The following CACNA2D3 variants were observed in gnomAD, a reference collection of about 807,000 sequenced individuals.
The protein encoded by CACNA2D3 is voltage-dependent calcium channel subunit alpha-2/delta-3.
In CACNA2D3, 60 loss-of-function variants were observed where a neutral mutation model predicts 160.6. The observed-to-expected ratio is 0.37, with a 90% CI of 0.30 to 0.46. CACNA2D3 has a LOEUF of 0.46. Among genes scored for constraint, CACNA2D3 ranks in the 20% least tolerant of loss-of-function variants. CACNA2D3 has a pLI of 1.00. For synonymous variants in CACNA2D3, 558 were observed against 492.9 expected (o/e 1.13, Z -1.75); for missense variants, 1,205 against 1,365.0 (o/e 0.88, Z 1.85).
intron 32 of CACNA2D3, among the ~76,000 whole-genome samples, chr3:55,006,256 G>A (rs1703090859): frequency 6.6e-6 from 1 of 152,094 alleles, no homozygotes; most frequent in African/African-American, 2.4e-5. Flanking sequence ...TAATCCCTTT[G>A]TTTACTCATA....
At chr3:55,039,285 AT>A (rs1703907595) in intron 35 of CACNA2D3, among the ~76,000 whole-genome samples, 1 of 152,112 alleles carries the variant, frequency 6.6e-6, no homozygotes, top group African/African-American at 2.4e-5. Context: ...CTATTCTCTT[AT>A]CCCCCAAAAC....
At chr3:54,268,078 C>T (rs1198966794) in intron 2 of CACNA2D3, among the ~76,000 whole-genome samples, 3 of 152,146 alleles carry the variant, frequency 2.0e-5, no homozygotes, top group Admixed American at 6.5e-5. Flanking sequence ...TATTCAGAAT[C>T]AGAACAGTGT....
intron 4 of CACNA2D3, among the ~76,000 whole-genome samples, chr3:54,436,308 G>A (rs1700058799): frequency 6.6e-6 from 1 of 152,228 alleles, no homozygotes; most frequent in Non-Finnish European, 1.5e-5. Context: ...GGAGAAATAG[G>A]AACACTTTTA....
chr3:54,896,144 G>A (rs187744508), intron 25 of CACNA2D3, among the ~76,000 whole-genome samples: 11 of 152,248 alleles, frequency 7.2e-5, no homozygotes, highest in African/African-American at 1.7e-4. Context: ...TAGCCTTCCC[G>A]ATAGACAAGC....
At chr3:54,802,766 C>T (rs551724944) in intron 13 of CACNA2D3, among the ~76,000 whole-genome samples, 2 of 152,142 alleles carry the variant, frequency 1.3e-5, no homozygotes, top group Non-Finnish European at 2.9e-5. Context: ...CAAGTGGGTC[C>T]CTGACCCCTG....
intron 27 of CACNA2D3, chr3:54,924,964 A>T: frequency 6.2e-7 from 1 of 1,611,038 alleles, no homozygotes; most frequent in Non-Finnish European, 8.5e-7. Flanking sequence ...GCCAGATTTG[A>T]AAGGGAATTG....
chr3:54,445,909 G>C (rs1036610797), intron 4 of CACNA2D3, among the ~76,000 whole-genome samples: 1 of 152,134 alleles, frequency 6.6e-6, no homozygotes, highest in Non-Finnish European at 1.5e-5. Flanking sequence ...AAGAGGAACT[G>C]CTTTGTTCCT....
intron 17 of CACNA2D3, among the ~76,000 whole-genome samples, chr3:54,850,903 G>A (rs965688921): frequency 6.6e-6 from 1 of 152,182 alleles, no homozygotes; most frequent in African/African-American, 2.4e-5. Context: ...TGAGATGGGA[G>A]GTAAAAATGA....
At chr3:54,691,247 C>G (rs755778925) in intron 11 of CACNA2D3, among the ~76,000 whole-genome samples, 1 of 152,166 alleles carries the variant, frequency 6.6e-6, no homozygotes, top group Non-Finnish European at 1.5e-5. Context: ...ATGGAAATAG[C>G]CTTTCTCTTG....
chr3:54,719,438 T>A (rs543191178), intron 11 of CACNA2D3, among the ~76,000 whole-genome samples: 120 of 152,104 alleles, frequency 7.9e-4, no homozygotes, highest in Non-Finnish European at 1.3e-3. Context: ...TCTTCTTTTT[T>A]AATGTCATGG....
chr3:54,248,923 T>C (rs919788513), intron 2 of CACNA2D3, among the ~76,000 whole-genome samples: 2 of 152,222 alleles, frequency 1.3e-5, no homozygotes, highest in African/African-American at 2.4e-5. Flanking sequence ...GTTACAGAAA[T>C]GAGCACTGTA....
chr3:55,056,865 G>T (rs76873833), intron 35 of CACNA2D3, among the ~76,000 whole-genome samples: 8,824 of 152,210 alleles, frequency 0.058, 737 homozygotes, highest in African/African-American at 0.19. Context: ...AATAAGGACT[G>T]TTTCTGGAGT....
At chr3:54,244,581 T>C (rs1702036213) in intron 2 of CACNA2D3, among the ~76,000 whole-genome samples, 1 of 152,212 alleles carries the variant, frequency 6.6e-6, no homozygotes, top group South Asian at 2.1e-4. Context: ...TCAGGGTTTG[T>C]TGACTGATTG....
At chr3:54,682,163 A>G (rs998953852) in intron 11 of CACNA2D3, among the ~76,000 whole-genome samples, 4 of 96,880 alleles carry the variant, frequency 4.1e-5, no homozygotes, top group Non-Finnish European at 6.8e-5. Flanking sequence ...ACAGAACAGC[A>G]CACACACACA....
chr3:54,472,332 G>T (rs185005381), intron 4 of CACNA2D3, among the ~76,000 whole-genome samples: 1 of 152,134 alleles, frequency 6.6e-6, no homozygotes, highest in South Asian at 2.1e-4. Context: ...AAAGGCCTTC[G>T]ATAAAATTCA....
intron 11 of CACNA2D3, among the ~76,000 whole-genome samples, chr3:54,647,782 C>T (rs1699680285): frequency 6.6e-6 from 1 of 152,188 alleles, no homozygotes; most frequent in African/African-American, 2.4e-5. Flanking sequence ...TAACTGTGAG[C>T]CTATGAAGGC....
At chr3:54,917,803 C>G (rs986488741) in intron 27 of CACNA2D3, among the ~76,000 whole-genome samples, 2 of 152,108 alleles carry the variant, frequency 1.3e-5, no homozygotes, top group African/African-American at 4.8e-5. Context: ...GGCCTGAGTC[C>G]TATTATCCGG....
intron 3 of CACNA2D3, among the ~76,000 whole-genome samples, chr3:54,375,610 G>C (rs1304566205): frequency 2.0e-5 from 3 of 152,146 alleles, no homozygotes; most frequent in African/African-American, 7.2e-5. Flanking sequence ...AGATGGCTGG[G>C]GGTCAGGATC....
intron 9 of CACNA2D3, chr3:54,626,182 G>T: frequency 1.4e-6 from 1 of 729,440 alleles, no homozygotes; most frequent in Non-Finnish European, 2.5e-6. Flanking sequence ...CGCAGGCGCG[G>T]ACCAGAGAGC....
Sources: gnomAD v4.1 joint callset for allele counts (sites outside exome capture counted in the v4.1 genomes callset) on GRCh38, gnomAD v4.1.1 for gene constraint, MANE v1.5 for transcripts, NCBI Gene and HGNC (gene_info 2026-07-23, HGNC 2026-07-21) for gene names.